The following DCUN1D4 variants were observed in gnomAD, a reference collection of about 807,000 sequenced individuals.
The protein encoded by DCUN1D4 is defective in cullin neddylation 1 domain containing 4.
DCUN1D4 carries 22 observed loss-of-function variants against 47.9 expected under a neutral mutation model. That is an observed-to-expected ratio of 0.46 (90% confidence interval 0.33 to 0.66). The LOEUF is 0.66. Ranked by LOEUF, DCUN1D4 falls within the 30% of genes least tolerant of loss-of-function variation. DCUN1D4 has a pLI of 0.02. For missense variants in DCUN1D4, 301 were observed against 340.8 expected (o/e 0.88, Z 0.92); for synonymous variants, 121 against 112.2 (o/e 1.08, Z -0.50).
chr4:51,888,569 C>T (rs933855420), intron 6 of DCUN1D4, among the ~76,000 whole-genome samples: 3 of 151,572 alleles, frequency 2.0e-5, no homozygotes, highest in East Asian at 2.0e-4. Flanking sequence ...GGCGAAACCC[C>T]GTCTCTATTA....
chr4:51,834,103 C>CTTTTTTTTTTTTTTTT, the DCUN1D4 span, among the ~76,000 whole-genome samples: 60 of 42,560 alleles, frequency 1.4e-3, 11 homozygotes, highest in East Asian at 7.9e-3. Context: ...TTTCTTCTTT[C>CTTTTTTTTTTTTTTTT]TTTTTTTTTT....
intron 1 of DCUN1D4, among the ~76,000 whole-genome samples, chr4:51,851,579 C>T (rs1470075488): frequency 6.7e-6 from 1 of 149,278 alleles, no homozygotes; most frequent in Admixed American, 6.7e-5. Flanking sequence ...GGGGTGGGGT[C>T]GGTGGGAAGA....
chr4:51,847,247 A>G (rs762636433), intron 1 of DCUN1D4, among the ~76,000 whole-genome samples: 5 of 152,178 alleles, frequency 3.3e-5, no homozygotes, highest in Non-Finnish European at 7.3e-5. Context: ...GCCTTATTCT[A>G]AAAGAATTAG....
At chr4:51,899,490 TC>T in intron 8 of DCUN1D4, 112 bp downstream of exon 8, 1 of 1,474,952 alleles carries the variant, frequency 6.8e-7, no homozygotes, top group Non-Finnish European at 8.9e-7. Context: ...ATAAGTTAAC[TC>T]CCAGGATGCT....
intron 7 of DCUN1D4, among the ~76,000 whole-genome samples, chr4:51,898,115 T>C (rs1049108497): frequency 2.6e-5 from 4 of 152,212 alleles, no homozygotes; most frequent in African/African-American, 9.6e-5. Flanking sequence ...ACAGAACTTC[T>C]ACTGGGAGAG....
the DCUN1D4 span, among the ~76,000 whole-genome samples, chr4:51,834,701 G>C: frequency 2.0e-5 from 3 of 152,102 alleles, no homozygotes; most frequent in Admixed American, 1.3e-4. Context: ...CTGTCCAGGA[G>C]GGCCACCCAC....
At chr4:51,859,822 C>A (rs1560462289) in intron 1 of DCUN1D4, among the ~76,000 whole-genome samples, 2 of 152,102 alleles carry the variant, frequency 1.3e-5, no homozygotes, top group Non-Finnish European at 2.9e-5. Flanking sequence ...ACAGGAGAGT[C>A]AGACTCAGCA....
At chr4:51,871,506 A>G (rs1423152052) in intron 3 of DCUN1D4, among the ~76,000 whole-genome samples, 1 of 152,202 alleles carries the variant, frequency 6.6e-6, no homozygotes, top group Non-Finnish European at 1.5e-5. Context: ...TCCTCTTCTT[A>G]TGGATTGAGG....
intron 9 of DCUN1D4, 52 bp from the exon 10 acceptor site, chr4:51,913,238 C>A: frequency 1.8e-6 from 2 of 1,131,972 alleles, no homozygotes; most frequent in Non-Finnish European, 2.6e-6. Flanking sequence ...TGAAACCGTC[C>A]CATTTGTTCA....
chr4:51,857,896 A>G (rs182269364), intron 1 of DCUN1D4, among the ~76,000 whole-genome samples: 2 of 152,182 alleles, frequency 1.3e-5, no homozygotes, highest in Admixed American at 6.5e-5. Context: ...AGCACCTAAT[A>G]TGTGCCAGGT....
Position 51,876,290 on chromosome 4 carries a change from C to G in DCUN1D4, c.252-1473C>G, listed in dbSNP as rs376166584. On this transcript the variant is annotated intron_variant, in intron 4 of 10. Transcript: ENST00000334635. ...TAGGGACATGGATGAAGCTGGAAAC[C>G]ATCATTCTCAGCAAACTATCGCAAG... Among the ~76,000 whole-genome samples, 293 of 152,098 alleles carry G rather than the reference C, an allele frequency of 1.9e-3. 11 individuals are homozygous for G. In the East Asian group the frequency reaches 0.052, roughly 27 times the overall value.
chr4:51,905,017 C>T (rs1732665492), intron 8 of DCUN1D4, among the ~76,000 whole-genome samples: 1 of 152,070 alleles, frequency 6.6e-6, no homozygotes, highest in Non-Finnish European at 1.5e-5. Context: ...CAGTACAACA[C>T]CAGAAAATGA....
chr4:51,884,592 T>A (rs528493173), intron 5 of DCUN1D4: 1 of 152,234 alleles, frequency 6.6e-6, no homozygotes, highest in African/African-American at 2.4e-5. Flanking sequence ...TTCATTCAGT[T>A]TTTATTGGAC....
At chr4:51,900,311 G>T (rs150974650) in intron 8 of DCUN1D4, among the ~76,000 whole-genome samples, 95 of 152,004 alleles carry the variant, frequency 6.2e-4, no homozygotes, top group African/African-American at 2.2e-3. Context: ...CCTCATTCAT[G>T]CATTTTCCTA....
rs1727365745 is a variant in DCUN1D4, at chr4:51,874,394, T to C, written c.251+9T>C. 6.3e-7 allele frequency: 1 copy of C among 1,576,166 alleles called. No homozygotes were observed. Among genetic ancestry groups the C allele is most frequent in the East Asian group, 2.2e-5 (1 of 44,628 alleles). On this transcript the variant is annotated intron_variant, in intron 4 of 10. Coordinates refer to ENST00000334635, the MANE Select transcript of DCUN1D4 (RefSeq NM_001040402.3). ...AAAAGTAGACATGATAGGTATGATG[T>C]AGAGACAGTAGATCAGAATCAGTGA...
At chr4:51,857,239 A>G (rs1248902545) in intron 1 of DCUN1D4, among the ~76,000 whole-genome samples, 1 of 152,066 alleles carries the variant, frequency 6.6e-6, no homozygotes, top group African/African-American at 2.4e-5. Context: ...GAATTTGTGT[A>G]AGCTAAATAT....
Position 51,874,337 on chromosome 4 carries a change from G to T in DCUN1D4, c.203G>T (p.Arg68Ile). ...GTGATGCCACCAAGGAAAAAGAGAA[G>T]ACCTGCCTCTGGAGATGATTTATCT... ...NKVMPPRKKR[R>I]PASGDDLSAK... The change falls in exon 4 of 11, where the codon AGA becomes ATA. Residue 68 changes from arginine to isoleucine, a missense_variant. By Grantham distance (97) the Arg-to-Ile change is moderately conservative. Around this residue, in one of 2 missense-constraint regions of DCUN1D4, gnomAD observed 131 missense variants for 106.3 expected, o/e 1.23. Coordinates refer to ENST00000334635, the MANE Select transcript of DCUN1D4 (RefSeq NM_001040402.3). The T allele has an allele frequency of 6.2e-7, 1 of 1,613,852 alleles. No homozygotes were observed. The highest frequency in any genetic ancestry group is 8.5e-7 in the Non-Finnish European group (1 of 1,179,904).
At chr4:51,882,692 G>A (rs549512220) in intron 5 of DCUN1D4, among the ~76,000 whole-genome samples, 11 of 152,178 alleles carry the variant, frequency 7.2e-5, no homozygotes, top group African/African-American at 2.6e-4. Flanking sequence ...TCATGAACCC[G>A]GCAGGCAGAG....
Position 51,899,363 on chromosome 4 carries a change from G to A in DCUN1D4, c.600G>A (p.Ala200=), listed in dbSNP as rs191010560. The A allele has an allele frequency of 3.1e-5, 50 of 1,606,662 alleles. No homozygotes were observed. The highest frequency in any genetic ancestry group is 1.2e-4 in the Admixed American group (7 of 58,624). Residue 200 remains alanine, a synonymous_variant, in exon 8 of 11, where the codon GCG becomes GCA. Coordinates refer to ENST00000334635, the MANE Select transcript of DCUN1D4 (RefSeq NM_001040402.3). ...STNFKLIYRY[A]FDFAREKDQR... is the part of the protein sequence containing the mutation. ...ACTTTAAACTTATTTACAGATATGC[G>A]TTTGACTTTGCACGGGTGAGTTCTC...
Sources: allele counts gnomAD v4.1 joint callset (sites outside exome capture counted in the v4.1 genomes callset), GRCh38; gene constraint gnomAD v4.1.1; regional missense constraint gnomAD v4.1.1; transcripts MANE v1.5; gene names NCBI Gene and HGNC (gene_info 2026-07-23, HGNC 2026-07-21).